AFG1L: variants seen among roughly 807,000 people sequenced by gnomAD.
AFG1L encodes AFG1 like ATPase, also known as AFG1-like ATPase.
Under a neutral mutation model 62.2 loss-of-function variants are expected in AFG1L, and 53 were observed. The ratio of observed to expected loss-of-function variants is 0.85; its 90% CI spans 0.68 to 1.07. The LOEUF (loss-of-function observed/expected upper bound fraction) is 1.07, where lower values mean the gene tolerates loss of function less well. AFG1L is among the 50% of genes least tolerant of loss of function. AFG1L has a pLI of 0.00. For missense variants in AFG1L, 555 were observed against 590.5 expected (o/e 0.94, Z 0.62); for synonymous variants, 228 against 210.3 (o/e 1.08, Z -0.73).
rs1213331734 is a variant in AFG1L, at chr6:108,428,492, G to A, written c.808-18722G>A. Among the ~76,000 whole-genome samples the A allele has an allele frequency of 2.6e-5, 4 of 152,120 alleles. No homozygotes were observed. The East Asian group carries it at 7.7e-4, about 29-fold the overall frequency. On this transcript the variant is annotated intron_variant, in intron 7 of 12. Transcript: ENST00000368977. ...CAATAGTGGGATTGCTGGATAGAAC[G>A]GTAGATCTACTTTTAGTTCTCTGAA... is the stretch of plus-strand genomic sequence containing the variant.
chr6:108,334,646 C>T (rs112553586), intron 2 of AFG1L, among the ~76,000 whole-genome samples: 1 of 151,838 alleles, frequency 6.6e-6, no homozygotes, highest in Non-Finnish European at 1.5e-5. Flanking sequence ...GCAATGCAAT[C>T]TTTTCCTCTT....
At chr6:108,510,445 C>A in intron 11 of AFG1L, 93 bp downstream of exon 11, 1 of 880,868 alleles carries the variant, frequency 1.1e-6, no homozygotes, top group Non-Finnish European at 1.7e-6. Flanking sequence ...ATACTTCTAT[C>A]ACTTACTGCA....
chr6:108,505,781 C>T (rs1774395382), intron 10 of AFG1L, among the ~76,000 whole-genome samples: 1 of 151,766 alleles, frequency 6.6e-6, no homozygotes, highest in South Asian at 2.1e-4. Context: ...GAAAAACTAT[C>T]CAAAATGAAT....
intron 10 of AFG1L, among the ~76,000 whole-genome samples, chr6:108,491,843 A>C (rs891264398): frequency 2.0e-5 from 3 of 152,216 alleles, no homozygotes; most frequent in Admixed American, 2.0e-4. Context: ...TGGAAAGCAG[A>C]AGAGTGGGAG....
intron 7 of AFG1L, among the ~76,000 whole-genome samples, chr6:108,437,228 A>G (rs1015980330): frequency 6.6e-6 from 1 of 152,114 alleles, no homozygotes; most frequent in African/African-American, 2.4e-5. Context: ...ATAATGATGG[A>G]CTCATTTATT....
intron 7 of AFG1L, among the ~76,000 whole-genome samples, chr6:108,403,376 G>A (rs1333777650): frequency 1.3e-5 from 2 of 152,080 alleles, no homozygotes; most frequent in Non-Finnish European, 2.9e-5. Context: ...TCTTTTTGAC[G>A]TGTACTTTGG....
rs148619902 is a variant in AFG1L, at chr6:108,370,732, G to A, written c.748+4400G>A. ...CTAATTTTCTGGCTTGTACAGCTGG[G>A]TGAATGGTGTGTCTGCCATTCAACA... On this transcript the variant is annotated intron_variant, in intron 6 of 12. Transcript: ENST00000368977. Among the ~76,000 whole-genome samples the A allele has an allele frequency of 2.6e-5, 4 of 152,276 alleles. No homozygotes were observed. In the East Asian group the frequency reaches 7.7e-4, roughly 29 times the overall value.
chr6:108,493,398 A>G (rs977129766), intron 10 of AFG1L, among the ~76,000 whole-genome samples: 2 of 151,962 alleles, frequency 1.3e-5, no homozygotes, highest in African/African-American at 4.8e-5. Context: ...TTCTTCACAG[A>G]CTCCCTCTGC....
chr6:108,429,673 T>G (rs1049098785), intron 7 of AFG1L, among the ~76,000 whole-genome samples: 2 of 152,222 alleles, frequency 1.3e-5, no homozygotes, highest in Non-Finnish European at 2.9e-5. Context: ...TTTTGGTTAC[T>G]ATAGCCTTGC....
rs202104280 is a variant in AFG1L, at chr6:108,305,656, CT to C, written c.139+10440del. On this transcript the variant is annotated intron_variant, in intron 1 of 12. Transcript: ENST00000368977. ...GCATATTGCCCAGGCTGGTCTTGAACTTCTGGGCTCAAGCAGTGCGCCCGCC... is the reference window on the plus strand; with the variant it reads ...GCATATTGCCCAGGCTGGTCTTGAACTCTGGGCTCAAGCAGTGCGCCCGCC... Among the ~76,000 whole-genome samples the C allele has an allele frequency of 9.0e-3, 1,365 of 152,162 alleles. 16 individuals carry two copies. Among genetic ancestry groups the C allele is most frequent in the African/African-American group, 0.03 (1,256 of 41,520 alleles).
intron 6 of AFG1L, among the ~76,000 whole-genome samples, chr6:108,398,244 A>G (rs1037796892): frequency 1.6e-4 from 24 of 152,126 alleles, no homozygotes; most frequent in Non-Finnish European, 3.1e-4. Context: ...TGCTATTTGT[A>G]TGTCTTCTTT....
At chr6:108,496,861 T>C (rs1290929411) in intron 10 of AFG1L, among the ~76,000 whole-genome samples, 1 of 152,242 alleles carries the variant, frequency 6.6e-6, no homozygotes, top group Admixed American at 6.5e-5. Flanking sequence ...AACAAACATA[T>C]AATTTTGCAT....
Position 108,523,175 on chromosome 6 carries a change from G to A in AFG1L, c.*750G>A, listed in dbSNP as rs376754356. 2.7e-5 allele frequency: 4 copies of A among 150,420 alleles called. No individual in the cohort carries two copies. Among genetic ancestry groups the A allele is most frequent in the Non-Finnish European group, 4.4e-5 (3 of 67,872 alleles). 9.3% of individuals were successfully genotyped at this position (150,420 alleles called of 1,614,324 possible). A position where few individuals can be genotyped will look rare whatever the true frequency, so the allele number is the denominator to read the frequency against. On this transcript the variant is annotated 3_prime_UTR_variant, in exon 13 of 13. Coordinates refer to ENST00000368977, the MANE Select transcript of AFG1L (RefSeq NM_145315.5). ...TGGGGACCAGTGAGAGAGTGTGGGC[G>A]GGGGGGTGGGTGTCAGAGTCGTAGG...
intron 10 of AFG1L, among the ~76,000 whole-genome samples, chr6:108,489,092 G>A (rs1021379227): frequency 6.6e-6 from 1 of 152,196 alleles, no homozygotes; most frequent in Non-Finnish European, 1.5e-5. Context: ...ATTGATACTG[G>A]TGAGTTTCTC....
chr6:108,476,720 T>C (rs1230585614), intron 8 of AFG1L, 145 bp from the exon 9 acceptor site: 8 of 623,302 alleles, frequency 1.3e-5, no homozygotes, highest in Non-Finnish European at 2.0e-5. Flanking sequence ...TGCTTTTAAG[T>C]GTATTCTAAA....
intron 6 of AFG1L, among the ~76,000 whole-genome samples, chr6:108,377,128 G>A (rs116408660): frequency 1.4e-3 from 212 of 151,672 alleles, no homozygotes; most frequent in African/African-American, 4.6e-3. Flanking sequence ...TACTTGGAGC[G>A]TATGGGTGTC....
At chr6:108,466,474 A>T (rs1486321016) in intron 8 of AFG1L, among the ~76,000 whole-genome samples, 1 of 152,032 alleles carries the variant, frequency 6.6e-6, no homozygotes, top group Non-Finnish European at 1.5e-5. Flanking sequence ...ATATTTGGAG[A>T]TAGGGCCTTT....
intron 7 of AFG1L, among the ~76,000 whole-genome samples, chr6:108,406,329 GATA>G (rs891295741): frequency 9.6e-6 from 1 of 104,368 alleles, no homozygotes; most frequent in Non-Finnish European, 2.0e-5. Context: ...TTTTTTTTTT[GATA>G]ATAACCATCC....
At chr6:108,519,308 T>A (rs1421540562) in intron 11 of AFG1L, among the ~76,000 whole-genome samples, 1 of 152,204 alleles carries the variant, frequency 6.6e-6, no homozygotes, top group Non-Finnish European at 1.5e-5. Context: ...TTAATCCTGT[T>A]GCATTGTGGA....
Sources: allele counts gnomAD v4.1 joint callset (sites outside exome capture counted in the v4.1 genomes callset), GRCh38; gene constraint gnomAD v4.1.1; transcripts MANE v1.5; gene names NCBI Gene and HGNC (gene_info 2026-07-23, HGNC 2026-07-21).